Variants in DOCK2 observed in about 807,000 individuals in gnomAD.
DOCK2 encodes dedicator of cytokinesis protein 2.
A neutral mutation model predicts 248.9 loss-of-function variants in DOCK2; 87 were observed. The ratio of observed to expected loss-of-function variants is 0.35; its 90% CI spans 0.29 to 0.42. The LOEUF is 0.42. Among genes scored for constraint, DOCK2 ranks in the 10% least tolerant of loss-of-function variants. The pLI, the probability that DOCK2 is intolerant of heterozygous loss-of-function variation, is 1.00. For synonymous variants in DOCK2, 805 were observed against 821.6 expected (o/e 0.98, Z 0.35); for missense variants, 1,747 against 2,300.2 (o/e 0.76, Z 4.92).
At chr5:169,988,046 A>T (rs1473203639) in intron 29 of DOCK2, among the ~76,000 whole-genome samples, 1 of 152,202 alleles carries the variant, frequency 6.6e-6, no homozygotes, top group Non-Finnish European at 1.5e-5. Flanking sequence ...ATCAAGGAAA[A>T]TATCAATAAT....
chr5:169,768,276 C>A (rs2113761941), intron 25 of DOCK2, among the ~76,000 whole-genome samples: 1 of 152,312 alleles, frequency 6.6e-6, no homozygotes, highest in South Asian at 2.1e-4. Flanking sequence ...CACGCACATG[C>A]AATATTTGAT....
chr5:169,778,191 A>G (rs1027655089), intron 25 of DOCK2, among the ~76,000 whole-genome samples: 2 of 152,204 alleles, frequency 1.3e-5, no homozygotes, highest in Non-Finnish European at 2.9e-5. Flanking sequence ...GCTGAGAACC[A>G]TATATCATTA....
At chr5:169,726,923 T>A (rs1037801320) in intron 22 of DOCK2, among the ~76,000 whole-genome samples, 3 of 152,014 alleles carry the variant, frequency 2.0e-5, no homozygotes, top group Non-Finnish European at 2.9e-5. Context: ...CATTGAAATG[T>A]ATTTAAGAAG....
intron 27 of DOCK2, among the ~76,000 whole-genome samples, chr5:169,956,543 A>C (rs913488335): frequency 6.6e-6 from 1 of 152,220 alleles, no homozygotes; most frequent in Admixed American, 6.5e-5. Context: ...GAACAGAGAG[A>C]AAGGTATCAT....
At chr5:169,684,377 T>A (rs778444590) in intron 8 of DOCK2, 27 bp downstream of exon 8, 1 of 1,611,264 alleles carries the variant, frequency 6.2e-7, no homozygotes, top group South Asian at 1.1e-5. Context: ...TTGCCCTACT[T>A]CTCTGACTAT....
At chr5:169,761,692 GC>G in intron 25 of DOCK2, 67 bp downstream of exon 25, 1 of 1,423,702 alleles carries the variant, frequency 7.0e-7, no homozygotes. Context: ...TTTTGGGGAA[GC>G]TTGGCAGGAG....
At chr5:169,841,545 A>C in intron 27 of DOCK2, 1 of 773,768 alleles carries the variant, frequency 1.3e-6, no homozygotes, top group Non-Finnish European at 1.6e-6. Context: ...ATGGTTGTCC[A>C]TCTCACTCAG....
chr5:169,811,326 C>G (rs1436401023), intron 26 of DOCK2, among the ~76,000 whole-genome samples: 2 of 152,212 alleles, frequency 1.3e-5, no homozygotes, highest in African/African-American at 2.4e-5. Flanking sequence ...GCCACTGCCT[C>G]TTTGCATTAC....
intron 1 of DOCK2, among the ~76,000 whole-genome samples, chr5:169,652,444 G>A (rs1757859467): frequency 6.6e-6 from 1 of 152,250 alleles, no homozygotes; most frequent in South Asian, 2.1e-4. Context: ...CATCTCTCAG[G>A]ATGGAGACTT....
chr5:170,037,108 A>G (rs979526400), intron 36 of DOCK2, among the ~76,000 whole-genome samples: 2 of 152,038 alleles, frequency 1.3e-5, no homozygotes, highest in African/African-American at 4.8e-5. Context: ...AATTATTGTT[A>G]CTTTTATTTA....
At chr5:170,056,645 G>T in intron 42 of DOCK2, 39 bp from the exon 43 acceptor site, 1 of 1,587,074 alleles carries the variant, frequency 6.3e-7, no homozygotes, top group Non-Finnish European at 8.7e-7. Context: ...AGCAGCCGGG[G>T]ATGGCTACCA....
intron 29 of DOCK2, among the ~76,000 whole-genome samples, chr5:169,989,464 A>G (rs1778154792): frequency 6.6e-6 from 1 of 152,212 alleles, no homozygotes; most frequent in Non-Finnish European, 1.5e-5. Flanking sequence ...CAACCACCAA[A>G]TATTTATTGA....
At chr5:170,005,474 C>G (rs1376085065) in intron 30 of DOCK2, among the ~76,000 whole-genome samples, 2 of 152,146 alleles carry the variant, frequency 1.3e-5, no homozygotes, top group Non-Finnish European at 2.9e-5. Flanking sequence ...GTGCTACCAT[C>G]AACACCACCA....
chr5:169,856,733 A>G (rs1252529426), intron 27 of DOCK2, among the ~76,000 whole-genome samples: 1 of 152,162 alleles, frequency 6.6e-6, no homozygotes, highest in Non-Finnish European at 1.5e-5. Context: ...CTCAGTGGAA[A>G]CACTGTGTGA....
chr5:169,872,165 T>C (rs1006039069), intron 27 of DOCK2, among the ~76,000 whole-genome samples: 3 of 152,196 alleles, frequency 2.0e-5, no homozygotes, highest in African/African-American at 7.2e-5. Flanking sequence ...TGTTGGAACA[T>C]TTCTGTGGTC....
chr5:169,901,500 T>C (rs535543244), intron 27 of DOCK2, among the ~76,000 whole-genome samples: 2 of 152,216 alleles, frequency 1.3e-5, no homozygotes, highest in East Asian at 3.9e-4. Context: ...TAAAATGATT[T>C]TTCTGGTTTT....
intron 27 of DOCK2, chr5:169,875,441 C>G (rs1772269811): frequency 5.2e-6 from 2 of 381,670 alleles, no homozygotes; most frequent in East Asian, 1.5e-4. Context: ...GACAATCGAA[C>G]ATTCCACTGA....
intron 26 of DOCK2, among the ~76,000 whole-genome samples, chr5:169,822,864 G>C (rs925616898): frequency 1.3e-5 from 2 of 152,092 alleles, no homozygotes; most frequent in Non-Finnish European, 2.9e-5. Flanking sequence ...AAAATTGATA[G>C]ACCACTAGCA....
At chr5:169,970,611 G>GATTC (rs1206441317) in intron 27 of DOCK2, among the ~76,000 whole-genome samples, 1 of 152,210 alleles carries the variant, frequency 6.6e-6, no homozygotes, top group Non-Finnish European at 1.5e-5. Context: ...GGCTTGCAGG[G>GATTC]TAGTTCCCAA....
Sources: allele counts gnomAD v4.1 joint callset (sites outside exome capture counted in the v4.1 genomes callset), GRCh38; gene constraint gnomAD v4.1.1; transcripts MANE v1.5; gene names NCBI Gene and HGNC (gene_info 2026-07-23, HGNC 2026-07-21).